CAPN13: variants seen among roughly 807,000 people sequenced by gnomAD.
The protein encoded by CAPN13 is calpain-13.
CAPN13 carries 90 observed loss-of-function variants against 98.4 expected under a neutral mutation model. The ratio of observed to expected loss-of-function variants is 0.92; its 90% CI spans 0.77 to 1.09. The LOEUF is 1.09. Among genes scored for constraint, CAPN13 ranks in the 50% least tolerant of loss-of-function variants. The probability of loss-of-function intolerance (pLI) is 0.00; values close to 1 mark genes in which losing one functional copy is unlikely to be tolerated. For synonymous variants in CAPN13, 330 were observed against 305.5 expected, an observed-to-expected ratio of 1.08 and a Z score of -0.84; for missense variants, 887 against 841.3, an observed-to-expected ratio of 1.05 and a Z score of -0.67.
chr2:30,796,177 T>TATATACACACACAC (rs1281269053), intron 1 of CAPN13, among the ~76,000 whole-genome samples: 1 of 145,946 alleles, frequency 6.9e-6, no homozygotes, highest in African/African-American at 2.6e-5. Context: ...TGTGTGTATA[T>TATATACACACACAC]ATATATACAT....
chr2:30,733,024 A>T (rs1671183372), intron 19 of CAPN13, among the ~76,000 whole-genome samples: 1 of 152,172 alleles, frequency 6.6e-6, no homozygotes, highest in Non-Finnish European at 1.5e-5. Flanking sequence ...ATCCAGGGAA[A>T]AGACTGACCC....
At chr2:30,746,235 T>A (rs747663397) in intron 11 of CAPN13, among the ~76,000 whole-genome samples, 1 of 152,180 alleles carries the variant, frequency 6.6e-6, no homozygotes, top group Non-Finnish European at 1.5e-5. Flanking sequence ...TATCACTGTC[T>A]AACAAGATGA....
intron 2 of CAPN13, among the ~76,000 whole-genome samples, chr2:30,781,404 G>A (rs555183769): frequency 4.7e-4 from 71 of 152,270 alleles, no homozygotes; most frequent in African/African-American, 1.7e-3. Flanking sequence ...ACTGCATCAC[G>A]GAGCGCCCAG....
intron 18 of CAPN13, 112 bp downstream of exon 18, chr2:30,736,391 T>G: frequency 6.0e-5 from 62 of 1,035,118 alleles, no homozygotes; most frequent in Middle Eastern, 2.1e-4. Context: ...AGGGCAGGGG[T>G]GAGAGTTCCT....
chr2:30,732,474 G>A lies in CAPN13; in HGVS notation c.1891C>T (p.Leu631=), dbSNP rs747160084. 1.9e-6 allele frequency: 3 copies of A among 1,613,610 alleles called. No homozygotes were observed. The highest frequency in any genetic ancestry group is 2.2e-5 in the East Asian group (1 of 44,878). Residue 631 remains leucine, a synonymous_variant, in exon 20 of 23, where the codon CTG becomes TTG. Transcript: ENST00000295055. ...DSVGRVSFPS[L]VCFLMRLEAM... ...TCAAGCCGCATCAGGAAGCAGACCA[G>A]GCTGGGGAAGCTGACCCTGCCGACG...
chr2:30,751,449 C>T (rs1386197466), intron 10 of CAPN13, among the ~76,000 whole-genome samples, 198 bp from the exon 11 acceptor site: 2 of 152,210 alleles, frequency 1.3e-5, no homozygotes, highest in African/African-American at 4.8e-5. Flanking sequence ...CTCTTAAACA[C>T]AGGAGAGGTT....
chr2:30,753,305 C>G, intron 9 of CAPN13, 107 bp from the exon 10 acceptor site: 1 of 1,127,436 alleles, frequency 8.9e-7, no homozygotes, highest in South Asian at 1.4e-5. Flanking sequence ...AGGCCAGTGT[C>G]TGATCCTGGC....
At chr2:30,764,778 C>T (rs140968265) in intron 5 of CAPN13, among the ~76,000 whole-genome samples, 32 of 152,188 alleles carry the variant, frequency 2.1e-4, no homozygotes, top group South Asian at 8.3e-4. Flanking sequence ...TGACTGTGGG[C>T]GAGGGACTAT....
chr2:30,757,659 C>T (rs1672524617), intron 8 of CAPN13, among the ~76,000 whole-genome samples: 1 of 152,212 alleles, frequency 6.6e-6, no homozygotes, highest in Admixed American at 6.5e-5. Context: ...GCAGTTCCTT[C>T]TCTCCATCTG....
intron 2 of CAPN13, among the ~76,000 whole-genome samples, chr2:30,778,466 G>A (rs1413617983): frequency 2.6e-5 from 4 of 152,152 alleles, no homozygotes; most frequent in Non-Finnish European, 4.4e-5. Flanking sequence ...GGATGACCTC[G>A]GCCTCCTCTC....
At chr2:30,742,239 G>T in intron 14 of CAPN13, 87 bp downstream of exon 14, 1 of 1,428,500 alleles carries the variant, frequency 7.0e-7, no homozygotes. Flanking sequence ...GTTGGGGGCA[G>T]CGGGAGGTGT....
intron 11 of CAPN13, 37 bp downstream of exon 11, chr2:30,751,066 T>A (rs932548274): frequency 6.2e-7 from 1 of 1,606,576 alleles, no homozygotes; most frequent in Non-Finnish European, 8.5e-7. Context: ...TTACACTAAA[T>A]TTCTACAAGG....
chr2:30,729,814 T>C (rs1670996590), intron 22 of CAPN13: 1 of 152,208 alleles, frequency 6.6e-6, no homozygotes, highest in Non-Finnish European at 1.5e-5. Context: ...GTGATATTGA[T>C]CACAGGTCGG....
At chr2:30,757,748 T>C (rs967899689) in intron 8 of CAPN13, among the ~76,000 whole-genome samples, 3 of 152,228 alleles carry the variant, frequency 2.0e-5, no homozygotes, top group Non-Finnish European at 4.4e-5. Context: ...GTGGATTCCC[T>C]GCTGTAGACT....
intron 15 of CAPN13, among the ~76,000 whole-genome samples, chr2:30,740,296 T>C (rs1320503612): frequency 6.6e-6 from 1 of 152,156 alleles, no homozygotes; most frequent in African/African-American, 2.4e-5. Flanking sequence ...GGTTTCACCA[T>C]GCTGGCCAGG....
chr2:30,769,744 C>G (rs372208261), intron 5 of CAPN13, among the ~76,000 whole-genome samples: 17 of 152,320 alleles, frequency 1.1e-4, no homozygotes, highest in Admixed American at 1.3e-4. Context: ...GGTATTTTGA[C>G]CATATGAGAA....
rs573338742 is a variant in CAPN13 at position 30,783,578 on chromosome 2, A to C, written c.198+3550T>G. ...AGAAAGAAGGAAAGATATATGACAC[A>C]AAACTTTTCTGCACCAGGCATAGAA... is the stretch of plus-strand genomic sequence containing the variant. On this transcript the variant is annotated intron_variant, in intron 2 of 22. Coordinates refer to ENST00000295055, the MANE Select transcript of CAPN13 (RefSeq NM_144575.3). 4.6e-5 allele frequency among the ~76,000 whole-genome samples: 7 copies of C among 152,310 alleles called. No individual in the cohort carries two copies. The South Asian group carries it at 1.4e-3, about 32-fold the overall frequency.
chr2:30,752,946 G>A, intron 10 of CAPN13, 107 bp downstream of exon 10: 1 of 1,256,132 alleles, frequency 8.0e-7, no homozygotes. Flanking sequence ...TTCAGCTTCA[G>A]GCTCATGGTC....
Position 30,740,082 on chromosome 2 carries a change from GTTTTTTTTTTTTTTTTTT to G in CAPN13, c.1537-1643_1537-1626del, listed in dbSNP as rs143581068. 1.6e-4 allele frequency among the ~76,000 whole-genome samples: 19 copies of G among 121,442 alleles called. 1 individual carries two copies. In the South Asian group the frequency reaches 4.7e-3, roughly 30 times the overall value. 79.7% of individuals were successfully genotyped at this position (121,442 alleles called of 152,430 possible). ...TGGTAGTATCAAGTCATTGTATTAGGTTTTTTTTTTTTTTTTTTTTTTTTTTTTTTGAGATGGAGTCTT... is the reference window on the plus strand; with the variant it reads ...TGGTAGTATCAAGTCATTGTATTAGGTTTTTTTTTTTTGAGATGGAGTCTT... On this transcript the variant is annotated intron_variant, in intron 15 of 22. Coordinates refer to ENST00000295055, the MANE Select transcript of CAPN13 (RefSeq NM_144575.3).
Sources: allele counts gnomAD v4.1 joint callset (sites outside exome capture counted in the v4.1 genomes callset), GRCh38; gene constraint gnomAD v4.1.1; transcripts MANE v1.5; gene names NCBI Gene and HGNC (gene_info 2026-07-23, HGNC 2026-07-21).